FAM107B: variants seen among roughly 807,000 people sequenced by gnomAD.
FAM107B encodes family with sequence similarity 107 member B, also known as protein FAM107B.
A neutral mutation model predicts 31.5 loss-of-function variants in FAM107B; 21 were observed. The observed-to-expected ratio is 0.67, with a 90% CI of 0.47 to 0.96. The LOEUF is 0.96. Among genes scored for constraint, FAM107B ranks in the 40% least tolerant of loss-of-function variants. The pLI is 0.00. For missense variants in FAM107B, 452 were observed against 377.1 expected (o/e 1.20, Z -1.64); for synonymous variants, 157 against 141.5 (o/e 1.11, Z -0.78).
At chr10:14,522,211 C>T in intron 3 of FAM107B, 192 bp from the exon 4 acceptor site, 1 of 678,416 alleles carries the variant, frequency 1.5e-6, no homozygotes, top group South Asian at 2.0e-5. Flanking sequence ...GAGGAGATCT[C>T]CAAAGAGTAC....
At chr10:14,688,129 G>A (rs578089856) in intron 1 of FAM107B, among the ~76,000 whole-genome samples, 4 of 152,172 alleles carry the variant, frequency 2.6e-5, no homozygotes, top group Non-Finnish European at 2.9e-5. Flanking sequence ...TCCAGCCTTC[G>A]TTTCTCTCCT....
At chr10:14,748,922 T>C (rs1434900549) in intron 1 of FAM107B, among the ~76,000 whole-genome samples, 1 of 152,236 alleles carries the variant, frequency 6.6e-6, no homozygotes, top group African/African-American at 2.4e-5. Context: ...CCATGTGGCC[T>C]CCTTGCTTAA....
At chr10:14,577,366 T>C (rs1278569732) in intron 2 of FAM107B, among the ~76,000 whole-genome samples, 1 of 152,268 alleles carries the variant, frequency 6.6e-6, no homozygotes, top group Non-Finnish European at 1.5e-5. Flanking sequence ...ATTCTCGATG[T>C]GTGCTTACCA....
At chr10:14,759,689 G>T (rs1833003937) in intron 1 of FAM107B, among the ~76,000 whole-genome samples, 1 of 152,082 alleles carries the variant, frequency 6.6e-6, no homozygotes, top group Non-Finnish European at 1.5e-5. Context: ...AATTGAGGAG[G>T]TGTTTATGGT....
chr10:14,763,155 G>A lies in FAM107B; in HGVS notation c.411+11098C>T, dbSNP rs142659558. On this transcript the variant is annotated intron_variant, in intron 1 of 4. Transcript: ENST00000181796. ...CAGGCACCTGTAATCCCAGCTACTC[G>A]GGAGGCTGAGGCAGGAGAGTAGCTT... Among the ~76,000 whole-genome samples, 42 of 152,108 alleles carry A rather than the reference G, an allele frequency of 2.8e-4. 1 individual carries two copies. The highest frequency in any genetic ancestry group is 8.2e-4 in the African/African-American group (34 of 41,500).
At chr10:14,687,524 G>T (rs1052714128) in intron 1 of FAM107B, among the ~76,000 whole-genome samples, 2 of 151,820 alleles carry the variant, frequency 1.3e-5, no homozygotes, top group Non-Finnish European at 2.9e-5. Flanking sequence ...CTTGTACACA[G>T]TGATCACTGA....
At chr10:14,737,979 C>T (rs537075466) in intron 1 of FAM107B, among the ~76,000 whole-genome samples, 19 of 152,244 alleles carry the variant, frequency 1.2e-4, no homozygotes, top group Middle Eastern at 6.8e-3. Flanking sequence ...TTCATTCCCC[C>T]GACACAGCAG....
chr10:14,733,030 T>C (rs1856211023), intron 1 of FAM107B, among the ~76,000 whole-genome samples: 1 of 147,048 alleles, frequency 6.8e-6, no homozygotes, highest in Admixed American at 6.9e-5. Flanking sequence ...AATAATTATA[T>C]ATTATATCTA....
At chr10:14,687,936 G>A (rs530603255) in intron 1 of FAM107B, among the ~76,000 whole-genome samples, 19 of 152,278 alleles carry the variant, frequency 1.2e-4, no homozygotes, top group African/African-American at 3.9e-4. Context: ...TTGGATTGAA[G>A]GATGCAAAGT....
intron 2 of FAM107B, among the ~76,000 whole-genome samples, chr10:14,595,299 C>T (rs952340666): frequency 2.0e-5 from 3 of 152,146 alleles, no homozygotes; most frequent in South Asian, 4.2e-4. Context: ...ACTTTCGTAT[C>T]AATCTCGCAA....
At chr10:14,550,977 A>G (rs1387061712) in intron 2 of FAM107B, among the ~76,000 whole-genome samples, 1 of 152,240 alleles carries the variant, frequency 6.6e-6, no homozygotes, top group Non-Finnish European at 1.5e-5. Flanking sequence ...ATCATAGCTA[A>G]CTACTTCCTT....
At chr10:14,611,487 TATATATATATATATATA>T (rs1564599684) in intron 2 of FAM107B, among the ~76,000 whole-genome samples, 16 of 5,818 alleles carry the variant, frequency 2.8e-3, no homozygotes, top group Non-Finnish European at 2.7e-3. Context: ...GCCAGTTTTA[TATATATATATATATATA>T]TATATATATA....
chr10:14,547,902 T>C (rs777531557), intron 2 of FAM107B, among the ~76,000 whole-genome samples: 5 of 152,252 alleles, frequency 3.3e-5, no homozygotes, highest in Non-Finnish European at 7.3e-5. Context: ...CACATCTCTG[T>C]CTGGGTCTTT....
chr10:14,571,733 C>A, intron 2 of FAM107B: 1 of 970,592 alleles, frequency 1.0e-6, no homozygotes. Context: ...TATTCAACAG[C>A]CATAGAAAAG....
rs1846587361 is a variant in FAM107B, at chr10:14,528,553, A to AT, written c.653+1778dup. 3.9e-5 allele frequency among the ~76,000 whole-genome samples: 6 copies of AT among 152,296 alleles called. No homozygotes were observed. The South Asian group carries it at 1.2e-3, about 32-fold the overall frequency. ...ATGAAGAAACAGATCTCAAGAGGGG[A>AT]TACCTTGGCCAAGATCATAAGGTAG... On this transcript the variant is annotated intron_variant, in intron 3 of 4. Coordinates refer to ENST00000181796, the MANE Select transcript of FAM107B (RefSeq NM_031453.4).
chr10:14,620,507 C>T (rs1373203940), intron 2 of FAM107B, among the ~76,000 whole-genome samples: 4 of 151,628 alleles, frequency 2.6e-5, no homozygotes, highest in African/African-American at 9.7e-5. Flanking sequence ...TAGAATAACG[C>T]TGATTTTTTT....
At chr10:14,706,444 T>C (rs1408752412) in intron 1 of FAM107B, among the ~76,000 whole-genome samples, 1 of 152,158 alleles carries the variant, frequency 6.6e-6, no homozygotes, top group Non-Finnish European at 1.5e-5. Context: ...CCCAGGCTGG[T>C]CTTGAACTCC....
intron 1 of FAM107B, 131 bp downstream of exon 1, chr10:14,774,122 A>G: frequency 1.8e-6 from 2 of 1,105,068 alleles, no homozygotes; most frequent in South Asian, 1.6e-5. Context: ...ACTTCTTCGC[A>G]CTAGTGAGAA....
intron 2 of FAM107B, among the ~76,000 whole-genome samples, chr10:14,628,112 G>GGTTTTTTTTGTTTT (rs1440347763): frequency 4.3e-5 from 4 of 92,676 alleles, no homozygotes; most frequent in Middle Eastern, 6.0e-3. Flanking sequence ...TGTTTTGCTG[G>GGTTTTTTTTGTTTT]TTTTTTTTTT....
Sources: allele counts gnomAD v4.1 joint callset (sites outside exome capture counted in the v4.1 genomes callset), GRCh38; gene constraint gnomAD v4.1.1; transcripts MANE v1.5; gene names NCBI Gene and HGNC (gene_info 2026-07-23, HGNC 2026-07-21).